The following L3MBTL4 variants were observed in gnomAD, a reference collection of about 807,000 sequenced individuals.
L3MBTL4 encodes L3MBTL histone methyl-lysine binding protein 4, also known as lethal(3)malignant brain tumor-like protein 4.
A neutral mutation model predicts 84.5 loss-of-function variants in L3MBTL4; 70 were observed. The ratio of observed to expected loss-of-function variants is 0.83; its 90% CI spans 0.68 to 1.01. The LOEUF (loss-of-function observed/expected upper bound fraction) is 1.01, where lower values mean the gene tolerates loss of function less well. Ranked by LOEUF, L3MBTL4 falls within the 50% of genes least tolerant of loss-of-function variation. L3MBTL4 has a pLI of 0.00. For missense variants in L3MBTL4, 715 were observed against 754.8 expected, an observed-to-expected ratio of 0.95 and a Z score of 0.62; for synonymous variants, 274 against 259.8, an observed-to-expected ratio of 1.05 and a Z score of -0.52.
chr18:6,091,934 A>G (rs1356271536), intron 15 of L3MBTL4, among the ~76,000 whole-genome samples: 1 of 152,200 alleles, frequency 6.6e-6, no homozygotes, highest in Admixed American at 6.5e-5. Flanking sequence ...TTAAAAAAGA[A>G]AAAATTCTCT....
At chr18:6,142,276 G>A (rs1374356223) in intron 13 of L3MBTL4, among the ~76,000 whole-genome samples, 1 of 152,160 alleles carries the variant, frequency 6.6e-6, no homozygotes, top group Non-Finnish European at 1.5e-5. Flanking sequence ...CAGTGTTTGT[G>A]GAACAGGTGA....
rs531541912 is a variant in L3MBTL4 at position 6,155,484 on chromosome 18, A to G, written c.1096+16344T>C. The stretch of plus-strand genomic sequence containing the variant: ...GAGTGGGCCATAGAAGAAAAGATCT[A>G]TGGTTCTCATGGCTGGATGCACAGG... On this transcript the variant is annotated intron_variant, in intron 13 of 18. Coordinates refer to ENST00000317931, the MANE Select transcript of L3MBTL4 (RefSeq NM_001330559.2). 1.7e-4 allele frequency among the ~76,000 whole-genome samples: 26 copies of G among 152,278 alleles called. No individual in the cohort carries two copies. In the East Asian group the frequency reaches 5.0e-3, roughly 29 times the overall value.
intron 16 of L3MBTL4, among the ~76,000 whole-genome samples, chr18:6,065,286 G>C (rs529464799): frequency 6.6e-6 from 1 of 152,042 alleles, no homozygotes; most frequent in East Asian, 1.9e-4. Context: ...TTGCATCTAT[G>C]TTCATCAAGG....
At chr18:6,096,436 T>A (rs2058646273) in intron 14 of L3MBTL4, among the ~76,000 whole-genome samples, 1 of 152,196 alleles carries the variant, frequency 6.6e-6, no homozygotes, top group South Asian at 2.1e-4. Flanking sequence ...ATCTGCACCA[T>A]TTTGAACCTT....
intron 1 of L3MBTL4, among the ~76,000 whole-genome samples, chr18:6,380,211 T>G (rs900592559): frequency 1.1e-4 from 17 of 152,342 alleles, no homozygotes; most frequent in African/African-American, 4.1e-4. Context: ...CTCTCTTGTC[T>G]TCTTTATTAG....
intron 1 of L3MBTL4, among the ~76,000 whole-genome samples, chr18:6,321,668 G>T (rs529652760): frequency 6.6e-6 from 1 of 152,200 alleles, no homozygotes; most frequent in South Asian, 2.1e-4. Context: ...CGTTCAGTGG[G>T]TGAATAAATA....
At chr18:6,317,901 T>C (rs539428172) in intron 1 of L3MBTL4, among the ~76,000 whole-genome samples, 2 of 152,150 alleles carry the variant, frequency 1.3e-5, no homozygotes, top group East Asian at 1.9e-4. Flanking sequence ...CTAACAGCAG[T>C]CTTCTTAGCA....
At position 6,239,851 on chromosome 18, in the gene L3MBTL4, ATTCTT is replaced by A. The variant is rs1437838878; in HGVS notation, c.569_573del (p.Lys190IlefsTer28). On this transcript the variant is annotated frameshift_variant, in exon 9 of 19. Coordinates refer to ENST00000317931, the MANE Select transcript of L3MBTL4 (RefSeq NM_001330559.2). LOFTEE classifies it high-confidence loss of function. The stretch of plus-strand genomic sequence containing the variant: ...GCCTCCAGCTTCATTCCAACCTGAA[ATTCTT>A]TAGACATTGGCCCATTCTAACGCAG... 3 of 1,614,044 alleles carry A rather than the reference ATTCTT, an allele frequency of 1.9e-6. No individual in the cohort carries two copies. The African/African-American group carries it at 4.0e-5, about 22-fold the overall frequency.
intron 13 of L3MBTL4, among the ~76,000 whole-genome samples, chr18:6,154,124 C>T (rs762278191): frequency 1.3e-5 from 2 of 152,086 alleles, no homozygotes; most frequent in African/African-American, 4.8e-5. Flanking sequence ...AAGTAGGCAC[C>T]CGTGTCTTGT....
chr18:6,191,871 TC>T (rs1432106021), intron 12 of L3MBTL4, among the ~76,000 whole-genome samples: 1 of 151,904 alleles, frequency 6.6e-6, no homozygotes, highest in Non-Finnish European at 1.5e-5. Flanking sequence ...GCACCTATAG[TC>T]CCAGCTCCTC....
intron 12 of L3MBTL4, among the ~76,000 whole-genome samples, chr18:6,181,561 C>T (rs569970536): frequency 1.2e-4 from 19 of 152,104 alleles, no homozygotes; most frequent in African/African-American, 4.3e-4. Context: ...AACTCCTGAC[C>T]TCAAGTTATC....
At chr18:6,027,389 G>A (rs2055560337) in intron 16 of L3MBTL4, among the ~76,000 whole-genome samples, 1 of 152,194 alleles carries the variant, frequency 6.6e-6, no homozygotes, top group African/African-American at 2.4e-5. Flanking sequence ...TGGGTGCATA[G>A]TATTCCATGG....
At chr18:6,128,076 C>A in intron 14 of L3MBTL4, among the ~76,000 whole-genome samples, 1 of 150,380 alleles carries the variant, frequency 6.6e-6, no homozygotes. Flanking sequence ...AAAAACAACT[C>A]CAAACATTAT....
chr18:6,265,754 TA>T (rs142981984), intron 4 of L3MBTL4, among the ~76,000 whole-genome samples: 1,884 of 151,732 alleles, frequency 0.012, 36 homozygotes, highest in African/African-American at 0.042. Context: ...AGACATGCAA[TA>T]AAAAAAAGTC....
chr18:6,384,963 A>C, intron 1 of L3MBTL4, among the ~76,000 whole-genome samples: 1 of 152,180 alleles, frequency 6.6e-6, no homozygotes, highest in East Asian at 1.9e-4. Context: ...GGAAAGAAGG[A>C]GTGACAGGTC....
At chr18:6,395,793 T>C (rs1380911996) in intron 1 of L3MBTL4, 1 of 152,216 alleles carries the variant, frequency 6.6e-6, no homozygotes. Flanking sequence ...GTTTTGATCA[T>C]TTTATAATTT....
chr18:6,090,373 A>C (rs1018987963), intron 15 of L3MBTL4, among the ~76,000 whole-genome samples: 1 of 152,138 alleles, frequency 6.6e-6, no homozygotes, highest in African/African-American at 2.4e-5. Context: ...TCATATATTT[A>C]CTAATTATAA....
intron 11 of L3MBTL4, among the ~76,000 whole-genome samples, chr18:6,214,852 T>C (rs1258754095): frequency 6.6e-6 from 1 of 152,172 alleles, no homozygotes; most frequent in African/African-American, 2.4e-5. Context: ...AGAATTTTAT[T>C]TTCTTGTCAT....
At chr18:6,299,424 G>T (rs374672874) in intron 4 of L3MBTL4, among the ~76,000 whole-genome samples, 2 of 152,252 alleles carry the variant, frequency 1.3e-5, no homozygotes, top group East Asian at 1.9e-4. Context: ...AGAACATAAA[G>T]GTAAAGTGAA....
Sources: allele counts gnomAD v4.1 joint callset (sites outside exome capture counted in the v4.1 genomes callset), GRCh38; gene constraint gnomAD v4.1.1; transcripts MANE v1.5; gene names NCBI Gene and HGNC (gene_info 2026-07-23, HGNC 2026-07-21).